The following GLRA2 variants were observed in gnomAD, a reference collection of about 807,000 sequenced individuals.
The protein encoded by GLRA2 is glycine receptor alpha 2.
In GLRA2, 11 loss-of-function variants were observed where a neutral mutation model predicts 31.6. The ratio of observed to expected loss-of-function variants is 0.35; its 90% CI spans 0.22 to 0.58. The LOEUF is 0.58. Among genes scored for constraint, GLRA2 ranks in the 20% least tolerant of loss-of-function variants. The pLI is 0.84. For synonymous variants in GLRA2, 132 were observed against 134.0 expected (o/e 0.99, Z 0.10); for missense variants, 212 against 351.8 (o/e 0.60, Z 3.18).
chrX:14,673,948 T>C (rs1466268696), intron 7 of GLRA2, among the ~76,000 whole-genome samples: 2 of 112,449 alleles, frequency 1.8e-5, no homozygotes, highest in South Asian at 7.4e-4. Flanking sequence ...TCAGATGTTG[T>C]CATCTGGTGT....
chrX:14,470,226 AT>A, the GLRA2 span, among the ~76,000 whole-genome samples: 2 of 112,094 alleles, frequency 1.8e-5, no homozygotes, highest in African/African-American at 6.5e-5. Flanking sequence ...ACAAGGTGGA[AT>A]ATTGATAAAA....
At chrX:14,521,322 C>T in the GLRA2 span, among the ~76,000 whole-genome samples, 1 of 111,405 alleles carries the variant, frequency 9.0e-6, no homozygotes, top group African/African-American at 3.3e-5. Context: ...AGGCTGGGGT[C>T]CTGGATAGGA....
At chrX:14,544,572 A>G (rs2089452932) in intron 2 of GLRA2, among the ~76,000 whole-genome samples, 1 of 111,658 alleles carries the variant, frequency 9.0e-6, no homozygotes, top group Admixed American at 9.5e-5. Flanking sequence ...AAATTATGCA[A>G]TATTTATCTT....
At chrX:14,587,716 C>T (rs193167518) in intron 4 of GLRA2, among the ~76,000 whole-genome samples, 1 of 111,601 alleles carries the variant, frequency 9.0e-6, no homozygotes, top group African/African-American at 3.2e-5. Context: ...AGTTTGTGAA[C>T]ATTTTCTTCT....
intron 7 of GLRA2, among the ~76,000 whole-genome samples, chrX:14,655,005 T>G (rs1176398708): frequency 9.0e-6 from 1 of 111,342 alleles, no homozygotes; most frequent in Non-Finnish European, 1.9e-5. Context: ...TATCTCCCAC[T>G]GGGTCCCTCC....
At chrX:14,570,234 T>C (rs1039812226) in intron 2 of GLRA2, among the ~76,000 whole-genome samples, 2 of 112,061 alleles carry the variant, frequency 1.8e-5, no homozygotes, top group Admixed American at 9.5e-5. Context: ...AATATATATT[T>C]ATATAAAACA....
At chrX:14,659,150 T>C (rs1601807746) in intron 7 of GLRA2, among the ~76,000 whole-genome samples, 1 of 112,333 alleles carries the variant, frequency 8.9e-6, no homozygotes, top group Non-Finnish European at 1.9e-5. Flanking sequence ...TATTGGAACA[T>C]AGTCACACTC....
At chrX:14,574,078 G>A (rs3027343) in intron 2 of GLRA2, among the ~76,000 whole-genome samples, 21,100 of 111,443 alleles carry the variant, frequency 0.19, 1,949 homozygotes, top group Non-Finnish European at 0.29. Flanking sequence ...ACTTATGACA[G>A]TGAATCCAGT....
At position 14,730,194 on chromosome X, in the gene GLRA2, T is replaced by C. The variant is rs757369052; in HGVS notation, c.1081-13T>C. On this transcript the variant is annotated splice_polypyrimidine_tract_variant and intron_variant, in intron 8 of 8. Transcript: ENST00000218075. ...ACAACCAATCTGTGCTTCCTCTGTC[T>C]TTATTCCGTCAGGAAGAAGACGTTA... The C allele has an allele frequency of 8.4e-7, 1 of 1,185,833 alleles. No homozygotes were observed. Among genetic ancestry groups the C allele is most frequent in the Admixed American group, 2.2e-5 (1 of 45,442 alleles).
At chrX:14,728,613 T>C (rs1334596696) in intron 8 of GLRA2, among the ~76,000 whole-genome samples, 2 of 111,828 alleles carry the variant, frequency 1.8e-5, no homozygotes, top group African/African-American at 6.5e-5. Flanking sequence ...CAGGTTGCAA[T>C]GGAATGTTCA....
chrX:14,629,222 G>A (rs6630728), intron 7 of GLRA2, among the ~76,000 whole-genome samples: 31,293 of 110,233 alleles, frequency 0.28, 3,603 homozygotes, highest in African/African-American at 0.41. Context: ...TTTGAGTACA[G>A]CCTGGTGTCT....
chrX:14,593,978 A>G (rs191581493), intron 4 of GLRA2, among the ~76,000 whole-genome samples: 95 of 112,647 alleles, frequency 8.4e-4, no homozygotes, highest in African/African-American at 2.6e-3. Flanking sequence ...TGCTTGTTAA[A>G]AGTAAACTGA....
the GLRA2 span, among the ~76,000 whole-genome samples, chrX:14,481,290 A>G: frequency 3.6e-5 from 4 of 111,199 alleles, no homozygotes; most frequent in Non-Finnish European, 7.5e-5. Context: ...CATTTCATCT[A>G]CTGGTCTAAT....
chrX:14,516,830 A>T, the GLRA2 span, among the ~76,000 whole-genome samples: 2 of 111,349 alleles, frequency 1.8e-5, no homozygotes, highest in Admixed American at 1.9e-4. Flanking sequence ...GTGAACTCCT[A>T]TTCAGTATCC....
At chrX:14,638,411 T>C (rs1322937183) in intron 7 of GLRA2, among the ~76,000 whole-genome samples, 3 of 111,904 alleles carry the variant, frequency 2.7e-5, no homozygotes, top group Non-Finnish European at 5.6e-5. Flanking sequence ...AAGTTTCAAA[T>C]ATTGTTTCTC....
the GLRA2 span, among the ~76,000 whole-genome samples, chrX:14,480,942 C>T: frequency 1.9e-5 from 2 of 105,527 alleles, no homozygotes; most frequent in African/African-American, 6.7e-5. Context: ...ATAGTAATGT[C>T]TTCAATCTGT....
At chrX:14,606,155 TA>T (rs35835313) in intron 5 of GLRA2, among the ~76,000 whole-genome samples, 4,708 of 88,734 alleles carry the variant, frequency 0.053, 153 homozygotes, top group African/African-American at 0.11. Context: ...TCCATAAACT[TA>T]AAAAAAAAAA....
chrX:14,565,112 C>A (rs893202309), intron 2 of GLRA2, among the ~76,000 whole-genome samples: 2 of 111,192 alleles, frequency 1.8e-5, no homozygotes, highest in Non-Finnish European at 3.8e-5. Context: ...AGAAGTAAGT[C>A]CTTGCTTATC....
At chrX:14,492,597 A>C in the GLRA2 span, among the ~76,000 whole-genome samples, 3 of 112,012 alleles carry the variant, frequency 2.7e-5, no homozygotes, top group Non-Finnish European at 5.6e-5. Flanking sequence ...TAAGCCTGAG[A>C]CTACCAAGTG....
Sources: gnomAD v4.1 joint callset for allele counts (sites outside exome capture counted in the v4.1 genomes callset) on GRCh38, gnomAD v4.1.1 for gene constraint, MANE v1.5 for transcripts, NCBI Gene and HGNC (gene_info 2026-07-23, HGNC 2026-07-21) for gene names.